Variants in NLRP12 observed in about 807,000 individuals in gnomAD.
NLRP12 encodes the protein NACHT, LRR and PYD domains-containing protein 12.
A neutral mutation model predicts 91.2 loss-of-function variants in NLRP12; 108 were observed. The ratio of observed to expected loss-of-function variants is 1.18; its 90% CI spans 1.01 to 1.39. The LOEUF is 1.39. Ranked by LOEUF, NLRP12 falls within the 40% of genes most tolerant of loss-of-function variation. NLRP12 has a pLI of 0.00. For synonymous variants in NLRP12, 613 were observed against 566.7 expected (o/e 1.08, Z -1.16); for missense variants, 1,530 against 1,352.7 (o/e 1.13, Z -2.06).
In NLRP12 at chr19:53,823,414, TG is replaced by T. The variant is rs373867430; in HGVS notation, c.289+471del. Among the ~76,000 whole-genome samples the T allele has an allele frequency of 6.2e-3, 606 of 97,972 alleles. 6 individuals are homozygous for T. The highest frequency in any genetic ancestry group is 0.02 in the African/African-American group (543 of 27,720). 64.3% of individuals were successfully genotyped at this position (97,972 alleles called of 152,430 possible). On this transcript the variant is annotated intron_variant, in intron 1 of 9. Coordinates refer to ENST00000324134, the MANE Select transcript of NLRP12 (RefSeq NM_144687.4). ...ATTTTAAATATATATTTAAAATATA[TG>T]TTTTAAATATATATATTTAAAATAT...
chr19:53,811,381 G>T (rs2092074061), intron 2 of NLRP12, 93 bp from the exon 3 acceptor site: 3 of 1,412,722 alleles, frequency 2.1e-6, no homozygotes, highest in Non-Finnish European at 3.0e-6. Flanking sequence ...CTCAAAGAAG[G>T]TGTGTGCCTG....
rs547392030 is a variant in NLRP12 at position 53,794,310 on chromosome 19, G to A, written c.3099-174C>T. 2.0e-5 allele frequency among the ~76,000 whole-genome samples: 3 copies of A among 151,700 alleles called. No individual in the cohort carries two copies. In the East Asian group the frequency reaches 5.8e-4, roughly 30 times the overall value. ...CATGCTACATGCAAGTCCCCAAGCT[G>A]TGTTAACTGCATAATTTTTTTTTTT... On this transcript the variant is annotated intron_variant, in intron 9 of 9. Transcript: ENST00000324134.
At chr19:53,823,442 TG>T (rs2092294273) in intron 1 of NLRP12, among the ~76,000 whole-genome samples, 3 of 101,784 alleles carry the variant, frequency 2.9e-5, no homozygotes, top group East Asian at 2.4e-4. Flanking sequence ...TTAAAATATA[TG>T]TTTTAAATAT....
Position 53,805,326 on chromosome 19 carries a change from G to A in NLRP12, c.2368C>T (p.Leu790Phe), listed in dbSNP as rs1444047397. The A allele has an allele frequency of 6.2e-7, 1 of 1,614,096 alleles. No individual in the cohort carries two copies. Among genetic ancestry groups the A allele is most frequent in the Admixed American group, 1.7e-5 (1 of 59,982 alleles). ...TGGGGATGCCGCAGGCCCTCGCAAAGCAGCATCATGCCTGGGAATCCAACG... is the reference window on the plus strand; with the variant it reads ...TGGGGATGCCGCAGGCCCTCGCAAAACAGCATCATGCCTGGGAATCCAACG... ...NGVGFPGMML[L>F]CEGLRHPQCR... is the part of the protein sequence containing the mutation. Residue 790 changes from leucine to phenylalanine, a missense_variant, in exon 5 of 10, where the codon CTT becomes TTT. Transcript: ENST00000324134.
At chr19:53,801,204 G>C (rs750208650) in intron 7 of NLRP12, 23 bp downstream of exon 7, 48 of 1,612,082 alleles carry the variant, frequency 3.0e-5, no homozygotes, top group Non-Finnish European at 3.9e-5. Flanking sequence ...GACTCCTAGC[G>C]TGGTGAGCAA....
chr19:53,810,539 A>G lies in NLRP12; in HGVS notation c.1120T>C (p.Phe374Leu), dbSNP rs1468211696. 1.9e-6 allele frequency: 3 copies of G among 1,614,050 alleles called. No individual in the cohort carries two copies. ...TCTGCATTGTGGAAATACTTGTAGAAGTATTCCTTCCTTTCTGCCTCAGAG... is the reference window on the plus strand; with the variant it reads ...TCTGCATTGTGGAAATACTTGTAGAGGTATTCCTTCCTTTCTGCCTCAGAG... ...GFSEAERKEY[F>L]YKYFHNAEQA... The change falls in exon 3 of 10, where the codon TTC (phenylalanine) becomes CTC (leucine). Residue 374 changes from phenylalanine to leucine, a missense_variant. Transcript: ENST00000324134.
chr19:53,813,009 T>C (rs1309460371), intron 2 of NLRP12, among the ~76,000 whole-genome samples: 1 of 151,068 alleles, frequency 6.6e-6, no homozygotes, highest in Non-Finnish European at 1.5e-5. Flanking sequence ...GTCTCCTGAG[T>C]AACTCGATTT....
chr19:53,816,136 T>C (rs1224743694), intron 1 of NLRP12, among the ~76,000 whole-genome samples: 1 of 152,036 alleles, frequency 6.6e-6, no homozygotes, highest in Non-Finnish European at 1.5e-5. Flanking sequence ...TTGGCATCTT[T>C]GGTCCTCAGA....
chr19:53,818,834 G>A lies in NLRP12; in HGVS notation c.290-3846C>T, dbSNP rs139383554. Among the ~76,000 whole-genome samples the A allele has an allele frequency of 1.3e-4, 20 of 152,212 alleles. No homozygotes were observed. The East Asian group carries it at 3.3e-3, about 25-fold the overall frequency. ...TGCTGATTCAGAATCACGGGTTGAG[G>A]GTCTTGGATTCCCCATTGGCCACAA... On this transcript the variant is annotated intron_variant, in intron 1 of 9. Coordinates refer to ENST00000324134, the MANE Select transcript of NLRP12 (RefSeq NM_144687.4).
intron 5 of NLRP12, 59 bp from the exon 6 acceptor site, chr19:53,804,181 T>G: frequency 1.3e-6 from 2 of 1,557,110 alleles, no homozygotes; most frequent in Non-Finnish European, 8.8e-7. Flanking sequence ...TCGTGATCAC[T>G]CATGCTCCAG....
chr19:53,807,967 C>T (rs1457473781), intron 3 of NLRP12: 2 of 384,852 alleles, frequency 5.2e-6, no homozygotes, highest in Non-Finnish European at 1.0e-5. Context: ...CCAGGCTGAT[C>T]TCGTACTCCT....
Position 53,793,877 on chromosome 19 carries a change from G to T in NLRP12, c.*172C>A. On this transcript the variant is annotated 3_prime_UTR_variant, in exon 10 of 10. Transcript: ENST00000324134. ...TAGGATTACATACATGAGCCACCAC[G>T]CCTGGCCAGCTCTGTCAAACATTAA... 4.3e-6 allele frequency: 3 copies of T among 693,936 alleles called. No homozygotes were observed. Among genetic ancestry groups the T allele is most frequent in the South Asian group, 1.5e-5 (1 of 65,786 alleles). 43.0% of individuals were successfully genotyped at this position (693,936 alleles called of 1,614,324 possible). A position where few individuals can be genotyped will look rare whatever the true frequency, so the allele number is the denominator to read the frequency against.
Position 53,798,238 on chromosome 19 carries a change from C to T in NLRP12, c.2927+5G>A. Reference sequence around the variant, plus strand: ...ACTGCCACCCCGTCACTCCCCGATGCTCACCACAGTTTCTGGAGTCTGCAG... The same window carrying T: ...ACTGCCACCCCGTCACTCCCCGATGTTCACCACAGTTTCTGGAGTCTGCAG... On this transcript the variant is annotated splice_donor_5th_base_variant and intron_variant, in intron 8 of 9. Coordinates refer to ENST00000324134, the MANE Select transcript of NLRP12 (RefSeq NM_144687.4). 1 of 1,614,152 alleles carries T rather than the reference C, an allele frequency of 6.2e-7. No individual in the cohort carries two copies.
rs1212737270 is a variant in NLRP12, at chr19:53,824,063, G to T, written c.112C>A (p.Leu38Met). 6.2e-7 allele frequency: 1 copy of T among 1,614,132 alleles called. No individual in the cohort carries two copies. Residue 38 changes from leucine to methionine, a missense_variant, in exon 1 of 10, where the codon CTG (leucine) becomes ATG (methionine). Leu to Met is a conservative substitution (Grantham distance 15). Transcript: ENST00000324134. ...CCCCAGGGGATCTTGCCTTCTCCCA[G>T]CTCTGTCGCGGTCCCCAGGTATAAC... ...FKLYLGTATE[L>M]GEGKIPWGSM...
At chr19:53,815,246 T>TTTTG (rs2092140596) in intron 1 of NLRP12, among the ~76,000 whole-genome samples, 1 of 144,848 alleles carries the variant, frequency 6.9e-6, no homozygotes, top group Non-Finnish European at 1.5e-5. Flanking sequence ...TTTTTTTTTT[T>TTTTG]GAGACGGAGT....
intron 4 of NLRP12, 81 bp downstream of exon 4, chr19:53,807,414 C>A: frequency 1.4e-6 from 2 of 1,396,424 alleles, no homozygotes; most frequent in Non-Finnish European, 2.0e-6. Context: ...TACACCATCC[C>A]GTGATAGAAC....
At chr19:53,813,490 G>C (rs1216739123) in intron 2 of NLRP12, among the ~76,000 whole-genome samples, 1 of 151,010 alleles carries the variant, frequency 6.6e-6, no homozygotes, top group African/African-American at 2.4e-5. Context: ...TTTTAGTAGA[G>C]ACAAGGTTTC....
Position 53,810,307 on chromosome 19 carries a change from C to T in NLRP12, c.1352G>A (p.Arg451His), listed in dbSNP as rs76085152. The change falls in exon 3 of 10, where the codon CGC (arginine) becomes CAC (histidine). Residue 451 changes from arginine (R) to histidine (H), a missense_variant. Coordinates refer to ENST00000324134, the MANE Select transcript of NLRP12 (RefSeq NM_144687.4). Reference protein sequence around the residue: ...SLMQPKPGAPRLQPPPNQRGL... With the variant: ...SLMQPKPGAPHLQPPPNQRGL... ...TCTCTGGTTGGGTGGGGGCTGGAGG[C>T]GCGGGGCCCCCGGCTTGGGTTGCAT... 640 of 1,613,804 alleles carry T rather than the reference C, an allele frequency of 4.0e-4. 3 individuals carry two copies. In the African/African-American group the frequency reaches 6.9e-3, roughly 17 times the overall value.
intron 4 of NLRP12, among the ~76,000 whole-genome samples, chr19:53,807,061 A>G (rs1345876199): frequency 1.3e-5 from 2 of 150,646 alleles, no homozygotes; most frequent in East Asian, 4.0e-4. Context: ...GAAGCCACCC[A>G]GTCTTTGGCA....
Sources: allele counts gnomAD v4.1 joint callset (sites outside exome capture counted in the v4.1 genomes callset), GRCh38; gene constraint gnomAD v4.1.1; transcripts MANE v1.5; gene names NCBI Gene and HGNC (gene_info 2026-07-23, HGNC 2026-07-21).